Variants in KCNH8 observed in about 807,000 individuals in gnomAD.
KCNH8 encodes the protein voltage-gated delayed rectifier potassium channel KCNH8.
A neutral mutation model predicts 103.6 loss-of-function variants in KCNH8; 70 were observed. The observed-to-expected ratio is 0.68, with a 90% CI of 0.56 to 0.82. The LOEUF (loss-of-function observed/expected upper bound fraction) is 0.82, where lower values mean the gene tolerates loss of function less well. KCNH8 is among the 40% of genes least tolerant of loss of function. The pLI, the probability that KCNH8 is intolerant of heterozygous loss-of-function variation, is 0.00. For synonymous variants in KCNH8, 498 were observed against 489.4 expected (o/e 1.02, Z -0.23); for missense variants, 1,217 against 1,329.9 (o/e 0.92, Z 1.32).
intron 7 of KCNH8, among the ~76,000 whole-genome samples, chr3:19,433,661 G>GT (rs933005337): frequency 2.0e-5 from 3 of 152,182 alleles, no homozygotes; most frequent in Admixed American, 1.3e-4. Context: ...TGTTTCAGGT[G>GT]TTTATCTCAA....
At chr3:19,170,803 TATA>T (rs1311426065) in intron 1 of KCNH8, among the ~76,000 whole-genome samples, 53 of 115,976 alleles carry the variant, frequency 4.6e-4, no homozygotes, top group African/African-American at 2.1e-3. Context: ...TATATATATA[TATA>T]TATATTTTTT....
chr3:19,299,303 TG>T (rs1397449652), intron 3 of KCNH8, among the ~76,000 whole-genome samples: 1 of 152,024 alleles, frequency 6.6e-6, no homozygotes, highest in Non-Finnish European at 1.5e-5. Flanking sequence ...AAAATGATTC[TG>T]GCCAGACACA....
intron 11 of KCNH8, among the ~76,000 whole-genome samples, chr3:19,486,210 A>C (rs866914134): frequency 4.6e-5 from 7 of 152,324 alleles, no homozygotes; most frequent in African/African-American, 1.7e-4. Flanking sequence ...GAATAGACTG[A>C]GCCCAACACC....
chr3:19,449,601 C>A (rs1295564934), intron 8 of KCNH8, among the ~76,000 whole-genome samples: 1 of 151,692 alleles, frequency 6.6e-6, no homozygotes, highest in Non-Finnish European at 1.5e-5. Context: ...GGGGGTGAGA[C>A]TAAAATTCCC....
chr3:19,379,940 A>G (rs997598469), intron 5 of KCNH8, among the ~76,000 whole-genome samples: 2 of 152,202 alleles, frequency 1.3e-5, no homozygotes, highest in African/African-American at 4.8e-5. Context: ...CTATGTAATA[A>G]AAGGTTATTT....
intron 5 of KCNH8, among the ~76,000 whole-genome samples, chr3:19,371,078 A>G (rs984133448): frequency 3.6e-4 from 55 of 152,108 alleles, no homozygotes; most frequent in Non-Finnish European, 6.3e-4. Context: ...ATACGTGTGC[A>G]TGTGTCTTTA....
In KCNH8 at chr3:19,469,145, A is replaced by T. The variant is rs80213605; in HGVS notation, c.2040+12163A>T. 4.4e-3 allele frequency among the ~76,000 whole-genome samples: 674 copies of T among 152,292 alleles called. 6 individuals are homozygous for T. Among genetic ancestry groups the T allele is most frequent in the South Asian group, 0.019 (93 of 4,828 alleles). ...CCTGCATAATAACAGAACATAATTA[A>T]TTCTTCACTTTTCTGAGATAATTGT... On this transcript the variant is annotated intron_variant, in intron 11 of 15. Coordinates refer to ENST00000328405, the MANE Select transcript of KCNH8 (RefSeq NM_144633.3).
chr3:19,385,217 TGAGAA>T (rs1400311898), intron 5 of KCNH8, among the ~76,000 whole-genome samples: 1 of 152,082 alleles, frequency 6.6e-6, no homozygotes, highest in African/African-American at 2.4e-5. Flanking sequence ...TCCTCTGACT[TGAGAA>T]AAGTAAGAAA....
intron 5 of KCNH8, among the ~76,000 whole-genome samples, chr3:19,385,375 T>C (rs1034767364): frequency 6.6e-6 from 1 of 152,122 alleles, no homozygotes; most frequent in Admixed American, 6.5e-5. Context: ...AATAACTACC[T>C]AATGATGAAC....
At chr3:19,432,296 A>C (rs1005936017) in intron 7 of KCNH8, among the ~76,000 whole-genome samples, 8 of 152,122 alleles carry the variant, frequency 5.3e-5, no homozygotes, top group Non-Finnish European at 1.0e-4. Flanking sequence ...AGATGACAAC[A>C]CCCTATCCTT....
intron 11 of KCNH8, among the ~76,000 whole-genome samples, chr3:19,485,377 C>A (rs1210088648): frequency 2.6e-5 from 4 of 152,208 alleles, no homozygotes; most frequent in Non-Finnish European, 5.9e-5. Context: ...GCTTGTGTGC[C>A]AGGTGGAACA....
intron 11 of KCNH8, among the ~76,000 whole-genome samples, chr3:19,505,067 A>G (rs998248799): frequency 1.4e-5 from 2 of 147,168 alleles, no homozygotes; most frequent in African/African-American, 2.6e-5. Flanking sequence ...CACAATCTCT[A>G]TATATGTATA....
intron 11 of KCNH8, among the ~76,000 whole-genome samples, chr3:19,492,862 TGTGTGTGTG>T (rs1280075151): frequency 2.6e-4 from 39 of 150,164 alleles, no homozygotes; most frequent in African/African-American, 9.1e-4. Context: ...TGTGTGTGTG[TGTGTGTGTG>T]TGTGTGTGTG....
intron 1 of KCNH8, among the ~76,000 whole-genome samples, chr3:19,251,956 A>G (rs2064284109): frequency 1.3e-5 from 2 of 152,192 alleles, no homozygotes. Context: ...CTTGCTTTTT[A>G]ACAAATTAAC....
chr3:19,212,630 C>G (rs949284939), intron 1 of KCNH8, among the ~76,000 whole-genome samples: 2 of 152,162 alleles, frequency 1.3e-5, no homozygotes, highest in South Asian at 2.1e-4. Flanking sequence ...AAATTTTCTT[C>G]TTTTGCCTTA....
chr3:19,474,651 A>G (rs1013625971), intron 11 of KCNH8, among the ~76,000 whole-genome samples: 1 of 152,196 alleles, frequency 6.6e-6, no homozygotes, highest in Non-Finnish European at 1.5e-5. Context: ...TGAAGAAAAT[A>G]ATTAAGGAAA....
intron 7 of KCNH8, among the ~76,000 whole-genome samples, chr3:19,395,641 A>T (rs1422273108): frequency 2.6e-5 from 4 of 152,056 alleles, no homozygotes. Flanking sequence ...ATAGTAAATC[A>T]CTGGGAAACT....
intron 7 of KCNH8, among the ~76,000 whole-genome samples, chr3:19,435,104 TA>T (rs1251306304): frequency 6.6e-6 from 1 of 152,156 alleles, no homozygotes; most frequent in Non-Finnish European, 1.5e-5. Context: ...TTGATTGTGG[TA>T]ATCATTTCAT....
At chr3:19,160,153 T>A (rs989105942) in intron 1 of KCNH8, among the ~76,000 whole-genome samples, 2 of 152,094 alleles carry the variant, frequency 1.3e-5, no homozygotes, top group African/African-American at 4.8e-5. Flanking sequence ...AAAATCAGAA[T>A]GCATAAATCT....
Sources: allele counts gnomAD v4.1 joint callset (sites outside exome capture counted in the v4.1 genomes callset), GRCh38; gene constraint gnomAD v4.1.1; transcripts MANE v1.5; gene names NCBI Gene and HGNC (gene_info 2026-07-23, HGNC 2026-07-21).